CDH4: variants seen among roughly 807,000 people sequenced by gnomAD.
The protein encoded by CDH4 is cadherin-4.
In CDH4, 33 loss-of-function variants were observed where a neutral mutation model predicts 86.0. The observed-to-expected ratio is 0.38, with a 90% confidence interval of 0.29 to 0.51. The LOEUF is 0.51. Among genes scored for constraint, CDH4 ranks in the 20% least tolerant of loss-of-function variants. CDH4 has a pLI of 0.86. For missense variants in CDH4, 1,114 were observed against 1,307.4 expected, an observed-to-expected ratio of 0.85 and a Z score of 2.28; for synonymous variants, 555 against 549.4, an observed-to-expected ratio of 1.01 and a Z score of -0.14.
At chr20:61,835,079 CTT>C (rs1187776397) in intron 4 of CDH4, among the ~76,000 whole-genome samples, 1 of 152,118 alleles carries the variant, frequency 6.6e-6, no homozygotes, top group Non-Finnish European at 1.5e-5. Flanking sequence ...CATTTTTTGT[CTT>C]GTTTTGTTTT....
chr20:61,419,437 T>C (rs2085165211), intron 2 of CDH4, among the ~76,000 whole-genome samples: 1 of 152,210 alleles, frequency 6.6e-6, no homozygotes, highest in Non-Finnish European at 1.5e-5. Context: ...AAAAACTCCC[T>C]TCCTTGGAAG....
chr20:61,261,257 T>G (rs1283509466), intron 2 of CDH4, among the ~76,000 whole-genome samples: 1 of 152,224 alleles, frequency 6.6e-6, no homozygotes, highest in Non-Finnish European at 1.5e-5. Flanking sequence ...GCAAGATTCC[T>G]AACCGCTGCT....
At chr20:61,779,750 A>T (rs1175041903) in intron 4 of CDH4, among the ~76,000 whole-genome samples, 5 of 152,240 alleles carry the variant, frequency 3.3e-5, no homozygotes, top group Admixed American at 2.6e-4. Context: ...GGACTGCTTC[A>T]GCAAATGAGT....
At chr20:61,541,155 G>A (rs553459416) in intron 2 of CDH4, among the ~76,000 whole-genome samples, 10 of 152,220 alleles carry the variant, frequency 6.6e-5, no homozygotes, top group East Asian at 3.9e-4. Flanking sequence ...CACCCCAGTC[G>A]TCATTGATTC....
rs528140774 is a variant in CDH4 at position 61,873,655 on chromosome 20, C to G, written c.878-73C>G. 8.0e-6 allele frequency: 12 copies of G among 1,502,632 alleles called. No homozygotes were observed. In the African/African-American group the frequency reaches 1.1e-4, roughly 14 times the overall value. The allele number at this position is 1,502,632 out of a possible 1,614,324, so 93.1% of individuals were successfully genotyped here. A position where few individuals can be genotyped will look rare whatever the true frequency, so the allele number is the denominator to read the frequency against. On this transcript the variant is annotated intron_variant, in intron 6 of 15. Coordinates refer to ENST00000614565, the MANE Select transcript of CDH4 (RefSeq NM_001794.5). ...CGGAGAGCTCTGTGGTCGGGGGGCTCTGCCCAGGTGTGTGCGGGGGTGGCA... is the reference window on the plus strand; with the variant it reads ...CGGAGAGCTCTGTGGTCGGGGGGCTGTGCCCAGGTGTGTGCGGGGGTGGCA...
intron 2 of CDH4, among the ~76,000 whole-genome samples, chr20:61,418,084 G>A (rs1031161483): frequency 6.6e-6 from 1 of 152,144 alleles, no homozygotes; most frequent in Non-Finnish European, 1.5e-5. Context: ...AATGGCAAAT[G>A]CTGATCAAGA....
chr20:61,565,648 T>C (rs1385306923), intron 2 of CDH4, among the ~76,000 whole-genome samples: 3 of 152,094 alleles, frequency 2.0e-5, no homozygotes, highest in Admixed American at 6.5e-5. Context: ...TGCATGCAGT[T>C]GCAGCTGGGG....
intron 2 of CDH4, among the ~76,000 whole-genome samples, chr20:61,403,413 A>G (rs556930692): frequency 6.6e-6 from 1 of 152,204 alleles, no homozygotes; most frequent in Admixed American, 6.5e-5. Flanking sequence ...GGTGGTACTG[A>G]GTCCCAGTTG....
At chr20:61,296,183 TGTGTGC>T (rs1434224213) in intron 2 of CDH4, among the ~76,000 whole-genome samples, 1 of 143,878 alleles carries the variant, frequency 7.0e-6, no homozygotes, top group East Asian at 2.6e-4. Flanking sequence ...TAAGTATGAG[TGTGTGC>T]GTGTGTGTGT....
At chr20:61,726,652 A>G (rs2088115218) in intron 2 of CDH4, among the ~76,000 whole-genome samples, 1 of 151,646 alleles carries the variant, frequency 6.6e-6, no homozygotes, top group Admixed American at 6.6e-5. Flanking sequence ...CATCACCACC[A>G]TCATGACCAT....
chr20:61,255,930 C>T (rs78261878), intron 2 of CDH4, among the ~76,000 whole-genome samples: 4,683 of 152,076 alleles, frequency 0.031, 236 homozygotes, highest in East Asian at 0.18. Flanking sequence ...TATTTTGCAC[C>T]GAATCCAAGT....
chr20:61,851,018 G>T (rs999163721), intron 5 of CDH4, among the ~76,000 whole-genome samples: 1 of 151,782 alleles, frequency 6.6e-6, no homozygotes, highest in Non-Finnish European at 1.5e-5. Flanking sequence ...CTTTTCCCCC[G>T]AGGCCCTGTG....
rs771952131 is a variant in CDH4, at chr20:61,933,109, T to C, written c.2364T>C (p.Gly788=). 2 of 1,612,918 alleles carry C rather than the reference T, an allele frequency of 1.2e-6. No individual in the cohort carries two copies. Among genetic ancestry groups the C allele is most frequent in the East Asian group, 4.5e-5 (2 of 44,874 alleles). The change falls in exon 14 of 16, where the codon GGT becomes GGC. Residue 788 remains glycine (G), a synonymous_variant. Transcript: ENST00000614565. ...TCCTCAAGTATGACGAGGAAGGCGG[T>C]GGCGAGGAGGACCAGGTGAGACTGC... The part of the protein sequence containing the change: ...DNILKYDEEG[G]GEEDQDYDLS...
At chr20:61,727,924 GGCATTGCT>G (rs2088134999) in intron 2 of CDH4, among the ~76,000 whole-genome samples, 2 of 152,206 alleles carry the variant, frequency 1.3e-5, no homozygotes, top group African/African-American at 4.8e-5. Flanking sequence ...ACCACACCAT[GGCATTGCT>G]GTTTGCTGTT....
chr20:61,284,793 A>C (rs1205307338), intron 2 of CDH4, among the ~76,000 whole-genome samples: 1 of 152,180 alleles, frequency 6.6e-6, no homozygotes. Flanking sequence ...CAAACAATAA[A>C]ACTTTTTGTC....
intron 9 of CDH4, among the ~76,000 whole-genome samples, chr20:61,914,361 C>T (rs1568884683): frequency 6.6e-6 from 1 of 152,198 alleles, no homozygotes. Flanking sequence ...ACCCGGCCCC[C>T]GCTTTTTTCT....
At position 61,518,730 on chromosome 20, in the gene CDH4, C is replaced by T. The variant is rs1405287546; in HGVS notation, c.170-224833C>T. The stretch of plus-strand genomic sequence containing the variant: ...TTCAATCATCCATCCGTTCATCCAC[C>T]CATCATCCATTCATCCATCCATTCG... On this transcript the variant is annotated intron_variant, in intron 2 of 15. Transcript: ENST00000614565. This position sits in a 1 kb window ranked among gnomAD's most constrained non-coding sequence, Gnocchi z 6.3. Among the ~76,000 whole-genome samples, 1 of 151,672 alleles carries T rather than the reference C, an allele frequency of 6.6e-6. No homozygotes were observed. Among genetic ancestry groups the T allele is most frequent in the East Asian group, 1.9e-4 (1 of 5,138 alleles).
intron 5 of CDH4, among the ~76,000 whole-genome samples, chr20:61,849,687 C>G (rs992814772): frequency 1.3e-5 from 2 of 152,180 alleles, no homozygotes; most frequent in African/African-American, 4.8e-5. Context: ...ACAGCCACCC[C>G]CTGAAGGGCA....
intron 2 of CDH4, among the ~76,000 whole-genome samples, chr20:61,426,642 T>G (rs2085216997): frequency 6.6e-6 from 1 of 152,252 alleles, no homozygotes; most frequent in Admixed American, 6.5e-5. Flanking sequence ...GGTTGTGCAG[T>G]GCAGGCTTGG....
Sources: gnomAD v4.1 joint callset for allele counts (sites outside exome capture counted in the v4.1 genomes callset) on GRCh38, gnomAD v4.1.1 for gene constraint, Gnocchi (gnomAD v3.1) non-coding constraint, MANE v1.5 for transcripts, NCBI Gene and HGNC (gene_info 2026-07-23, HGNC 2026-07-21) for gene names.